The following HYCC2 variants were observed in gnomAD, a reference collection of about 807,000 sequenced individuals.
HYCC2 encodes hyccin PI4KA lipid kinase complex subunit 2.
At chr2:201,025,938 T>C in the HYCC2 span, among the ~76,000 whole-genome samples, 2 of 152,164 alleles carry the variant, frequency 1.3e-5, no homozygotes, top group Non-Finnish European at 2.9e-5. Context: ...GCTAATATCA[T>C]GATAGGATCA....
chr2:201,013,523 T>C, the HYCC2 span, among the ~76,000 whole-genome samples: 3 of 149,492 alleles, frequency 2.0e-5, no homozygotes, highest in Non-Finnish European at 4.5e-5. Flanking sequence ...ATAATCATCA[T>C]CACCAAACAC....
chr2:201,008,856 G>A, the HYCC2 span: 3 of 657,842 alleles, frequency 4.6e-6, no homozygotes, highest in Non-Finnish European at 8.0e-6. Context: ...CATGTTTGTG[G>A]CTACAAACTA....
chr2:200,984,330 G>A, the HYCC2 span, among the ~76,000 whole-genome samples: 16 of 152,132 alleles, frequency 1.1e-4, no homozygotes, highest in African/African-American at 2.9e-4. Flanking sequence ...ATGAGCCATC[G>A]TGCCTGGCCA....
At chr2:201,065,559 C>G in the HYCC2 span, among the ~76,000 whole-genome samples, 1 of 152,264 alleles carries the variant, frequency 6.6e-6, no homozygotes, top group South Asian at 2.1e-4. Context: ...CCTCTAGGCC[C>G]TAATTCTTCA....
chr2:201,047,144 T>C, the HYCC2 span, among the ~76,000 whole-genome samples: 5 of 151,924 alleles, frequency 3.3e-5, no homozygotes, highest in Non-Finnish European at 5.9e-5. Context: ...AACCGAAAAA[T>C]ACAATATGTG....
chr2:201,060,210 G>A, the HYCC2 span, among the ~76,000 whole-genome samples: 7,887 of 152,128 alleles, frequency 0.052, 470 homozygotes, highest in African/African-American at 0.14. Flanking sequence ...ACTACTAGGC[G>A]GTCAGCAGCA....
the HYCC2 span, among the ~76,000 whole-genome samples, chr2:200,990,589 T>C: frequency 8.6e-5 from 13 of 151,866 alleles, no homozygotes; most frequent in Non-Finnish European, 4.4e-5. Flanking sequence ...CTTTTTTTTT[T>C]TCAAATGGGG....
chr2:201,055,689 C>T, the HYCC2 span, among the ~76,000 whole-genome samples: 1 of 152,058 alleles, frequency 6.6e-6, no homozygotes. Context: ...CAGAGTGAAA[C>T]CCTGTCTCTA....
the HYCC2 span, among the ~76,000 whole-genome samples, chr2:201,026,797 T>C: frequency 6.6e-6 from 1 of 152,174 alleles, no homozygotes; most frequent in East Asian, 1.9e-4. Flanking sequence ...CTAGAATCTC[T>C]GGGACACATT....
chr2:201,030,315 T>A, the HYCC2 span, among the ~76,000 whole-genome samples: 1,129 of 152,200 alleles, frequency 7.4e-3, 18 homozygotes, highest in African/African-American at 0.026. Flanking sequence ...TAAATACAGT[T>A]AGTTGATAAT....
At chr2:201,021,910 C>T in the HYCC2 span, 1 of 398,622 alleles carries the variant, frequency 2.5e-6, no homozygotes, top group Non-Finnish European at 4.9e-6. Context: ...CCTGCAATTG[C>T]TGCTACAAAT....
chr2:201,029,707 C>G, the HYCC2 span, among the ~76,000 whole-genome samples: 1 of 152,092 alleles, frequency 6.6e-6, no homozygotes, highest in Non-Finnish European at 1.5e-5. Context: ...CATGTTCTCA[C>G]TCATAGGTGG....
the HYCC2 span, chr2:201,016,924 C>T: frequency 1.8e-5 from 26 of 1,480,234 alleles, no homozygotes; most frequent in Non-Finnish European, 2.4e-5. Flanking sequence ...CTAAACATTC[C>T]TTAAGTATTA....
the HYCC2 span, among the ~76,000 whole-genome samples, chr2:201,070,385 G>A: frequency 6.6e-6 from 1 of 152,150 alleles, no homozygotes; most frequent in Non-Finnish European, 1.5e-5. Context: ...GGGCACGGTG[G>A]CTCACGCCTG....
chr2:201,009,420 G>C, the HYCC2 span: 25 of 184,488 alleles, frequency 1.4e-4, no homozygotes, highest in African/African-American at 4.9e-4. Flanking sequence ...GAGTACAACT[G>C]CTTATAATTA....
At chr2:201,031,934 C>G in the HYCC2 span, among the ~76,000 whole-genome samples, 1 of 152,114 alleles carries the variant, frequency 6.6e-6, no homozygotes, top group Non-Finnish European at 1.5e-5. Flanking sequence ...ACAAGGACTG[C>G]AATCATTTAT....
the HYCC2 span, among the ~76,000 whole-genome samples, chr2:201,055,396 AAAAC>A: frequency 1.3e-5 from 2 of 151,876 alleles, no homozygotes; most frequent in Admixed American, 6.6e-5. Flanking sequence ...AAAAAAAAAA[AAAAC>A]AAACACTAAA....
the HYCC2 span, among the ~76,000 whole-genome samples, chr2:200,986,319 G>GTTCC: frequency 6.6e-6 from 1 of 152,320 alleles, no homozygotes; most frequent in East Asian, 1.9e-4. Context: ...AAGAGCAAGA[G>GTTCC]TTCCCTATGG....
the HYCC2 span, chr2:201,063,793 T>C: frequency 6.3e-7 from 1 of 1,590,814 alleles, no homozygotes; most frequent in Non-Finnish European, 8.5e-7. Flanking sequence ...GTGGTGGTGG[T>C]GGATATGATG....
Sources: allele counts gnomAD v4.1 joint callset (sites outside exome capture counted in the v4.1 genomes callset), GRCh38; gene constraint gnomAD v4.1.1; transcripts MANE v1.5; gene names NCBI Gene and HGNC (gene_info 2026-07-23, HGNC 2026-07-21).